FAM222B: variants seen among roughly 807,000 people sequenced by gnomAD.
The protein encoded by FAM222B is protein FAM222B.
In FAM222B, 12 loss-of-function variants were observed where a neutral mutation model predicts 38.0. The ratio of observed to expected loss-of-function variants is 0.32; its 90% CI spans 0.20 to 0.51. The LOEUF is 0.51. Ranked by LOEUF, FAM222B falls within the 20% of genes least tolerant of loss-of-function variation. The pLI is 0.97. For missense variants in FAM222B, 716 were observed against 754.2 expected (o/e 0.95, Z 0.59); for synonymous variants, 329 against 317.2 (o/e 1.04, Z -0.40).
intron 2 of FAM222B, among the ~76,000 whole-genome samples, chr17:28,761,814 C>T (rs1322387325): frequency 6.6e-6 from 1 of 152,154 alleles, no homozygotes; most frequent in South Asian, 2.1e-4. Context: ...GAGCAAGTCC[C>T]TAAACTCAAG....
intron 1 of FAM222B, among the ~76,000 whole-genome samples, chr17:28,830,833 ATAAAATAAAATAAAGT>A (rs1567897429): frequency 6.7e-6 from 1 of 149,130 alleles, no homozygotes; most frequent in African/African-American, 2.4e-5. Flanking sequence ...TAAAAAAAAA[ATAAAATAAAATAAAGT>A]TAAAATAAAA....
intron 1 of FAM222B, among the ~76,000 whole-genome samples, chr17:28,850,870 C>T (rs1002849499): frequency 2.6e-5 from 4 of 152,072 alleles, no homozygotes; most frequent in African/African-American, 9.7e-5. Flanking sequence ...CCTGTAATCC[C>T]AACGCTTTGG....
upstream of FAM222B, among the ~76,000 whole-genome samples, chr17:28,845,974 C>T (rs898006864): frequency 3.7e-4 from 53 of 144,172 alleles, no homozygotes; most frequent in African/African-American, 9.8e-4. Context: ...GAGGCCAAGG[C>T]GGGTGGATCA....
intron 1 of FAM222B, among the ~76,000 whole-genome samples, chr17:28,850,403 G>T (rs1429599672): frequency 6.6e-6 from 1 of 151,848 alleles, no homozygotes; most frequent in Admixed American, 6.6e-5. Context: ...CTGGGTTCAC[G>T]CCATTCTCCT....
intron 2 of FAM222B, among the ~76,000 whole-genome samples, chr17:28,766,280 C>T (rs927252556): frequency 1.3e-5 from 2 of 151,926 alleles, no homozygotes; most frequent in Admixed American, 6.6e-5. Context: ...CATGGTGAAA[C>T]CCTATCTCTA....
intron 1 of FAM222B, among the ~76,000 whole-genome samples, chr17:28,784,060 A>G (rs1597906326): frequency 6.6e-6 from 1 of 152,124 alleles, no homozygotes; most frequent in Non-Finnish European, 1.5e-5. Context: ...TCGGCCTCCC[A>G]AAGTGCTAGG....
In FAM222B at chr17:28,760,301, C is replaced by T. The variant is rs188778168; in HGVS notation, c.83-425G>A. On this transcript the variant is annotated intron_variant, in intron 2 of 2. Coordinates refer to ENST00000581407, the MANE Select transcript of FAM222B (RefSeq NM_001077498.3). ...CACAGAAATTCAGGGTCGCTGGGCA[C>T]GGTGGCTCACACTTGTAAATCCCAG... Among the ~76,000 whole-genome samples, 62 of 152,202 alleles carry T rather than the reference C, an allele frequency of 4.1e-4. No individual in the cohort carries two copies. In the East Asian group the frequency reaches 0.012, roughly 29 times the overall value.
intron 1 of FAM222B, among the ~76,000 whole-genome samples, chr17:28,825,133 C>T (rs1035075438): frequency 6.6e-6 from 1 of 151,586 alleles, no homozygotes; most frequent in Non-Finnish European, 1.5e-5. Flanking sequence ...CATACTCGTA[C>T]TTAAAAACTC....
chr17:28,842,297 GGGAGACCGACCCTTCCCCT>G (rs1399727834), intron 1 of FAM222B, among the ~76,000 whole-genome samples: 1 of 151,984 alleles, frequency 6.6e-6, no homozygotes, highest in Non-Finnish European at 1.5e-5. Context: ...CTATTACTCC[GGGAGACCGACCCTTCCCCT>G]GCCTGGTTCA....
intron 1 of FAM222B, among the ~76,000 whole-genome samples, chr17:28,840,521 A>T (rs2152629758): frequency 1.3e-5 from 2 of 152,098 alleles, no homozygotes; most frequent in South Asian, 4.2e-4. Flanking sequence ...GAGATATTCC[A>T]CCTGAGAGAT....
intron 1 of FAM222B, among the ~76,000 whole-genome samples, chr17:28,777,411 TCTA>T (rs1306238249): frequency 6.6e-6 from 1 of 152,184 alleles, no homozygotes; most frequent in Non-Finnish European, 1.5e-5. Context: ...CTGTCCGGGA[TCTA>T]CTTATTATTA....
chr17:28,803,464 C>A (rs578261076), intron 1 of FAM222B, among the ~76,000 whole-genome samples: 1 of 151,952 alleles, frequency 6.6e-6, no homozygotes, highest in East Asian at 1.9e-4. Context: ...CATCACCACA[C>A]CCACCTAATT....
intron 1 of FAM222B, among the ~76,000 whole-genome samples, chr17:28,835,324 T>C (rs2038806312): frequency 6.6e-6 from 1 of 151,828 alleles, no homozygotes; most frequent in Non-Finnish European, 1.5e-5. Flanking sequence ...TGTAAGCCAC[T>C]GCATCTGGCC....
At chr17:28,771,025 T>G (rs1217328822) in intron 1 of FAM222B, among the ~76,000 whole-genome samples, 1 of 151,144 alleles carries the variant, frequency 6.6e-6, no homozygotes, top group Non-Finnish European at 1.5e-5. Flanking sequence ...TTTTTTTTTT[T>G]TAAAGGAGAG....
intron 1 of FAM222B, among the ~76,000 whole-genome samples, chr17:28,801,316 T>C (rs9891628): frequency 0.19 from 28,580 of 150,154 alleles, 2,851 homozygotes; most frequent in South Asian, 0.3. Context: ...AGCCGGGCGA[T>C]GTGGCGGGCG....
At chr17:28,773,555 T>C (rs1232714585) in intron 1 of FAM222B, among the ~76,000 whole-genome samples, 8 of 150,928 alleles carry the variant, frequency 5.3e-5, no homozygotes, top group Non-Finnish European at 2.9e-5. Context: ...TCCAAGCACT[T>C]TGGGAGGCCA....
chr17:28,782,880 G>A (rs569470622), intron 1 of FAM222B, among the ~76,000 whole-genome samples: 29 of 152,228 alleles, frequency 1.9e-4, no homozygotes, highest in Admixed American at 8.5e-4. Flanking sequence ...GCTCACGGCT[G>A]TAATCCCAGC....
chr17:28,826,901 G>A (rs1373169465), intron 1 of FAM222B, among the ~76,000 whole-genome samples: 1 of 152,066 alleles, frequency 6.6e-6, no homozygotes, highest in East Asian at 1.9e-4. Context: ...AGCACTTTGC[G>A]AGGCTGAGGT....
upstream of FAM222B, among the ~76,000 whole-genome samples, chr17:28,843,870 G>A (rs1359184505): frequency 6.6e-6 from 1 of 152,176 alleles, no homozygotes; most frequent in Non-Finnish European, 1.5e-5. Context: ...TGGGGACCTT[G>A]TCAAGGAGGT....
Sources: allele counts gnomAD v4.1 joint callset (sites outside exome capture counted in the v4.1 genomes callset), GRCh38; gene constraint gnomAD v4.1.1; transcripts MANE v1.5; gene names NCBI Gene and HGNC (gene_info 2026-07-23, HGNC 2026-07-21).